STXBP5L: variants seen among roughly 807,000 people sequenced by gnomAD.
STXBP5L encodes the protein syntaxin binding protein 5L.
A neutral mutation model predicts 144.5 loss-of-function variants in STXBP5L; 65 were observed. The ratio of observed to expected loss-of-function variants is 0.45; its 90% CI spans 0.37 to 0.55. The LOEUF is 0.55. STXBP5L is among the 20% of genes least tolerant of loss of function. The pLI is 0.00. For missense variants in STXBP5L, 1,298 were observed against 1,405.5 expected (o/e 0.92, Z 1.22); for synonymous variants, 505 against 469.6 (o/e 1.08, Z -0.97).
intron 18 of STXBP5L, among the ~76,000 whole-genome samples, chr3:121,274,272 G>A (rs1365467137): frequency 6.6e-6 from 1 of 152,146 alleles, no homozygotes; most frequent in Non-Finnish European, 1.5e-5. Flanking sequence ...AGCTGGATGG[G>A]GTGCAACATC....
intron 7 of STXBP5L, among the ~76,000 whole-genome samples, chr3:121,139,891 G>A (rs1381146651): frequency 6.6e-6 from 1 of 151,920 alleles, no homozygotes; most frequent in East Asian, 1.9e-4. Flanking sequence ...ACCACCTACA[G>A]AATGAGAGAA....
intron 5 of STXBP5L, among the ~76,000 whole-genome samples, chr3:121,050,191 G>T (rs1035917952): frequency 7.2e-5 from 11 of 152,134 alleles, no homozygotes; most frequent in Admixed American, 6.5e-4. Flanking sequence ...CCATGAGAGT[G>T]GTGCTTATTA....
At chr3:121,392,130 G>A (rs994495886) in intron 22 of STXBP5L, among the ~76,000 whole-genome samples, 12 of 152,080 alleles carry the variant, frequency 7.9e-5, no homozygotes, top group African/African-American at 2.9e-4. Context: ...TCCCCAGCCA[G>A]GCTGCCACCT....
intron 7 of STXBP5L, among the ~76,000 whole-genome samples, chr3:121,127,804 C>T (rs542682382): frequency 5.3e-5 from 8 of 151,908 alleles, no homozygotes; most frequent in Admixed American, 2.0e-4. Flanking sequence ...CCCCAGCAAC[C>T]CCCAATTTCC....
rs1941451932 is a variant in STXBP5L at position 120,979,155 on chromosome 3, G to A, written c.287+24118G>A. Among the ~76,000 whole-genome samples, 4 of 152,352 alleles carry A rather than the reference G, an allele frequency of 2.6e-5. No homozygotes were observed. The South Asian group carries it at 6.2e-4, about 24-fold the overall frequency. On this transcript the variant is annotated intron_variant, in intron 3 of 26. Coordinates refer to ENST00000471454, the MANE Select transcript of STXBP5L (RefSeq NM_001308330.2). ...TCTGTGCCTTGCCACCAGAGGTGGA[G>A]CCTACAGAGGCAGGCAGGCCTCCTT...
At chr3:121,398,929 G>A (rs1175601533) in intron 22 of STXBP5L, among the ~76,000 whole-genome samples, 2 of 152,106 alleles carry the variant, frequency 1.3e-5, no homozygotes, top group Non-Finnish European at 2.9e-5. Context: ...AGAACTAAGA[G>A]TGGTCGCTCG....
chr3:121,016,611 G>T (rs983575206), intron 3 of STXBP5L, among the ~76,000 whole-genome samples: 3 of 152,142 alleles, frequency 2.0e-5, no homozygotes, highest in Non-Finnish European at 2.9e-5. Context: ...TCCAATAACT[G>T]TGTGACAGTT....
chr3:120,970,740 A>T (rs1010814078), intron 3 of STXBP5L, among the ~76,000 whole-genome samples: 10 of 151,614 alleles, frequency 6.6e-5, no homozygotes, highest in South Asian at 4.2e-4. Context: ...CATTATTATT[A>T]TTTTTTTTAC....
intron 3 of STXBP5L, among the ~76,000 whole-genome samples, chr3:120,991,727 C>T (rs912942393): frequency 5.3e-5 from 8 of 151,760 alleles, no homozygotes; most frequent in African/African-American, 1.2e-4. Flanking sequence ...AACCAAACAC[C>T]GCATGTTCTC....
At chr3:121,176,862 T>A (rs1005571117) in intron 9 of STXBP5L, among the ~76,000 whole-genome samples, 2 of 151,786 alleles carry the variant, frequency 1.3e-5, no homozygotes, top group South Asian at 4.1e-4. Flanking sequence ...AAAGAAAATA[T>A]AACAAAAGTT....
intron 8 of STXBP5L, among the ~76,000 whole-genome samples, chr3:121,155,939 T>A (rs1405939339): frequency 6.6e-6 from 1 of 151,902 alleles, no homozygotes; most frequent in African/African-American, 2.4e-5. Flanking sequence ...GGCAAAACAG[T>A]TTGAGACAAC....
At chr3:121,351,769 C>A (rs1418778871) in intron 20 of STXBP5L, among the ~76,000 whole-genome samples, 2 of 152,050 alleles carry the variant, frequency 1.3e-5, no homozygotes, top group Non-Finnish European at 2.9e-5. Context: ...TTGCCCATGT[C>A]CTGAATGGTA....
chr3:121,309,463 A>G (rs1328526021), intron 19 of STXBP5L, among the ~76,000 whole-genome samples: 2 of 152,164 alleles, frequency 1.3e-5, no homozygotes, highest in African/African-American at 2.4e-5. Flanking sequence ...TAAAACATAT[A>G]TGTCCCAAAT....
intron 6 of STXBP5L, among the ~76,000 whole-genome samples, chr3:121,119,161 T>C (rs760658159): frequency 6.6e-6 from 1 of 151,544 alleles, no homozygotes; most frequent in Non-Finnish European, 1.5e-5. Flanking sequence ...CTTTCTATTA[T>C]TTAAAAATTG....
At chr3:121,170,805 A>T (rs913582447) in intron 9 of STXBP5L, among the ~76,000 whole-genome samples, 1 of 152,236 alleles carries the variant, frequency 6.6e-6, no homozygotes, top group Admixed American at 6.5e-5. Context: ...TATTTCAAAC[A>T]ATAGAAAAAG....
chr3:121,224,646 G>T (rs968960308), intron 11 of STXBP5L, among the ~76,000 whole-genome samples: 1 of 152,088 alleles, frequency 6.6e-6, no homozygotes, highest in Admixed American at 6.6e-5. Flanking sequence ...TTAAATAGTC[G>T]TGGTTTCATG....
intron 2 of STXBP5L, among the ~76,000 whole-genome samples, chr3:120,914,433 G>C (rs16831974): frequency 0.099 from 15,098 of 151,942 alleles, 1,188 homozygotes; most frequent in Admixed American, 0.2. Context: ...TAACAATGAT[G>C]CTCATATCTG....
At chr3:121,009,605 A>G (rs1198024342) in intron 3 of STXBP5L, among the ~76,000 whole-genome samples, 1 of 152,016 alleles carries the variant, frequency 6.6e-6, no homozygotes, top group Non-Finnish European at 1.5e-5. Flanking sequence ...TGTGGTAGTT[A>G]TAAGGAAACA....
chr3:121,388,267 A>C (rs191949536), intron 22 of STXBP5L, among the ~76,000 whole-genome samples: 1 of 152,322 alleles, frequency 6.6e-6, no homozygotes, highest in African/African-American at 2.4e-5. Flanking sequence ...GACTTTGCTG[A>C]AGTTGCTTAT....
Sources: gnomAD v4.1 joint callset for allele counts (sites outside exome capture counted in the v4.1 genomes callset) on GRCh38, gnomAD v4.1.1 for gene constraint, MANE v1.5 for transcripts, NCBI Gene and HGNC (gene_info 2026-07-23, HGNC 2026-07-21) for gene names.